ZHX3: variants seen among roughly 807,000 people sequenced by gnomAD.
The protein encoded by ZHX3 is zinc fingers and homeoboxes protein 3.
A neutral mutation model predicts 64.5 loss-of-function variants in ZHX3; 20 were observed. The ratio of observed to expected loss-of-function variants is 0.31; its 90% CI spans 0.22 to 0.45. The LOEUF (loss-of-function observed/expected upper bound fraction) is 0.45. Among genes scored for constraint, ZHX3 ranks in the 20% least tolerant of loss-of-function variants. The pLI, the probability that ZHX3 is intolerant of heterozygous loss-of-function variation, is 1.00. For missense variants in ZHX3, 1,041 were observed against 1,195.8 expected (o/e 0.87, Z 1.91); for synonymous variants, 423 against 461.6 (o/e 0.92, Z 1.07).
At chr20:41,199,639 A>T (rs1713461836) in intron 3 of ZHX3, among the ~76,000 whole-genome samples, 1 of 152,084 alleles carries the variant, frequency 6.6e-6, no homozygotes, top group Non-Finnish European at 1.5e-5. Context: ...GCATTGAGAC[A>T]ATGATCAGCC....
Position 41,201,971 on chromosome 20 carries a change from C to T in ZHX3, c.2860+86G>A. The stretch of plus-strand genomic sequence containing the variant: ...AGGCAGCCTTAGAGACAGCAGATGC[C>T]CCTGTGCAGTAAATTCAGTGCCCAA... On this transcript the variant is annotated intron_variant, in intron 3 of 3. Coordinates refer to ENST00000683867, the MANE Select transcript of ZHX3 (RefSeq NM_001384317.1). The surrounding 1 kb of genome is among the most constrained non-coding windows in gnomAD (Gnocchi z 5.0). 6.9e-7 allele frequency: 1 copy of T among 1,455,150 alleles called. No individual in the cohort carries two copies. The highest frequency in any genetic ancestry group is 9.1e-7 in the Non-Finnish European group (1 of 1,099,368). The allele number at this position is 1,455,150 out of a possible 1,614,324, so 90.1% of individuals were successfully genotyped here.
chr20:41,293,177 C>T (rs1035726040), intron 1 of ZHX3, among the ~76,000 whole-genome samples: 1 of 152,216 alleles, frequency 6.6e-6, no homozygotes, highest in African/African-American at 2.4e-5. Context: ...AAAAGATGAT[C>T]AGGGAGACCC....
intron 1 of ZHX3, among the ~76,000 whole-genome samples, chr20:41,283,351 T>C (rs2043785373): frequency 2.0e-5 from 3 of 152,152 alleles, no homozygotes; most frequent in African/African-American, 7.2e-5. Context: ...TAATGCAGGG[T>C]TTCAGCTCTC....
At chr20:41,282,427 T>C (rs2043732696) in intron 1 of ZHX3, among the ~76,000 whole-genome samples, 2 of 140,494 alleles carry the variant, frequency 1.4e-5, no homozygotes, top group African/African-American at 5.3e-5. Flanking sequence ...GGCGCTATCT[T>C]GGCTCACTGC....
chr20:41,294,249 C>T (rs960692184), intron 1 of ZHX3, among the ~76,000 whole-genome samples: 1 of 152,150 alleles, frequency 6.6e-6, no homozygotes, highest in African/African-American at 2.4e-5. Flanking sequence ...TAGCTGACAA[C>T]AAAATTTTTA....
intron 1 of ZHX3, among the ~76,000 whole-genome samples, chr20:41,285,778 T>G (rs1285642199): frequency 6.6e-6 from 1 of 152,232 alleles, no homozygotes; most frequent in Non-Finnish European, 1.5e-5. Context: ...TAATAACTAG[T>G]GTTATCACAG....
chr20:41,301,851 G>A (rs938134238), intron 1 of ZHX3, among the ~76,000 whole-genome samples: 3 of 151,636 alleles, frequency 2.0e-5, no homozygotes, highest in Non-Finnish European at 2.9e-5. Context: ...TCAGGAGATC[G>A]AGACCATCCC....
intron 1 of ZHX3, among the ~76,000 whole-genome samples, chr20:41,314,778 A>G (rs2045240175): frequency 6.6e-6 from 1 of 152,238 alleles, no homozygotes; most frequent in African/African-American, 2.4e-5. Context: ...AACTCATGAC[A>G]CAGCTACCTA....
At chr20:41,231,914 A>C (rs1434639624) in intron 2 of ZHX3, among the ~76,000 whole-genome samples, 3 of 152,226 alleles carry the variant, frequency 2.0e-5, no homozygotes, top group African/African-American at 7.2e-5. Flanking sequence ...CAGTGAAAAG[A>C]TGGTAAAGCA....
At position 41,201,521 on chromosome 20, in the gene ZHX3, TC is replaced by T; in HGVS notation, c.2860+535del. 2.0e-6 allele frequency: 1 copy of T among 491,952 alleles called. No individual in the cohort carries two copies. Among genetic ancestry groups the T allele is most frequent in the Non-Finnish European group, 3.5e-6 (1 of 289,044 alleles). The allele number at this position is 491,952 out of a possible 1,614,324, so 30.5% of individuals were successfully genotyped here. On this transcript the variant is annotated intron_variant, in intron 3 of 3. Transcript: ENST00000683867. The surrounding 1 kb of genome is among the most constrained non-coding windows in gnomAD (Gnocchi z 5.0). ...GAGGAACAAAATTCAAGCTTTTGAT[TC>T]CATGTATGTCAAAGAAGGAAGGTGA...
Position 41,232,716 on chromosome 20 carries a change from CG to C in ZHX3, c.-150-27651del, listed in dbSNP as rs896513057. ...GCCATTCTCCTGCCTCAGCCTCCCGCGGGGGACTACAGGCGCCCACCACCTC... is the reference window on the plus strand; with the variant it reads ...GCCATTCTCCTGCCTCAGCCTCCCGCGGGGACTACAGGCGCCCACCACCTC... On this transcript the variant is annotated intron_variant, in intron 2 of 3. Coordinates refer to ENST00000683867, the MANE Select transcript of ZHX3 (RefSeq NM_001384317.1). The surrounding 1 kb of genome is among the most constrained non-coding windows in gnomAD (Gnocchi z 5.0). Among the ~76,000 whole-genome samples, 1 of 151,934 alleles carries C rather than the reference CG, an allele frequency of 6.6e-6. No homozygotes were observed. Among genetic ancestry groups the C allele is most frequent in the Admixed American group, 6.6e-5 (1 of 15,246 alleles).
chr20:41,277,281 T>C (rs2043428449), intron 1 of ZHX3, among the ~76,000 whole-genome samples: 1 of 152,202 alleles, frequency 6.6e-6, no homozygotes, highest in Non-Finnish European at 1.5e-5. Flanking sequence ...CTGGACAACA[T>C]AGCAAGACCC....
intron 2 of ZHX3, among the ~76,000 whole-genome samples, chr20:41,264,374 T>C (rs2042720546): frequency 1.1e-5 from 1 of 90,248 alleles, no homozygotes; most frequent in Non-Finnish European, 2.0e-5. Context: ...ACCCCGTCTC[T>C]ACCAAAAATA....
intron 1 of ZHX3, among the ~76,000 whole-genome samples, chr20:41,299,342 T>G (rs1018924352): frequency 1.3e-5 from 2 of 152,224 alleles, no homozygotes; most frequent in Non-Finnish European, 1.5e-5. Flanking sequence ...TGAGTAATTA[T>G]GCTAAGGGTT....
At position 41,202,125 on chromosome 20, in the gene ZHX3, T is replaced by TC; in HGVS notation, c.2791dup (p.Glu931GlyfsTer6). ...TGAGCTGGCCTCAGGGACACGGGGC[T>TC]CCCACGACTCACTGTTCTCAGACAC... On this transcript the variant is annotated frameshift_variant, in exon 3 of 4. Coordinates refer to ENST00000683867, the MANE Select transcript of ZHX3 (RefSeq NM_001384317.1). LOFTEE classifies it high-confidence loss of function. The surrounding 1 kb of genome is among the most constrained non-coding windows in gnomAD (Gnocchi z 7.0). The TC allele has an allele frequency of 6.2e-7, 1 of 1,613,880 alleles. No homozygotes were observed. Among genetic ancestry groups the TC allele is most frequent in the Non-Finnish European group, 8.5e-7 (1 of 1,179,948 alleles).
At chr20:41,296,134 T>G (rs1191381251) in intron 1 of ZHX3, among the ~76,000 whole-genome samples, 1 of 150,076 alleles carries the variant, frequency 6.7e-6, no homozygotes. Flanking sequence ...ATTTCTGGAG[T>G]CTATTTTGCT....
intron 2 of ZHX3, among the ~76,000 whole-genome samples, chr20:41,208,614 A>G (rs1161008120): frequency 6.6e-6 from 1 of 152,228 alleles, no homozygotes; most frequent in African/African-American, 2.4e-5. Context: ...CAATAGATGC[A>G]GAAAAGGCCT....
rs891737491 is a variant in ZHX3 at position 41,183,016 on chromosome 20, C to A, written c.*2175G>T. The A allele has an allele frequency of 6.6e-6, 1 of 152,270 alleles. No individual in the cohort carries two copies. Among genetic ancestry groups the A allele is most frequent in the African/African-American group, 2.4e-5 (1 of 41,442 alleles). The allele number at this position is 152,270 out of a possible 1,614,324, so 9.4% of individuals were successfully genotyped here. ...GAGGCACTGGGTGGTTTCTCAGACA[C>A]CCGGAGATGGCTTCAGCCTGGGCCG... On this transcript the variant is annotated 3_prime_UTR_variant, in exon 4 of 4. Transcript: ENST00000683867. The surrounding 1 kb of genome is among the most constrained non-coding windows in gnomAD (Gnocchi z 5.3).
chr20:41,189,801 A>G (rs1473435831), intron 3 of ZHX3, among the ~76,000 whole-genome samples: 2 of 152,104 alleles, frequency 1.3e-5, no homozygotes, highest in Non-Finnish European at 2.9e-5. Flanking sequence ...TCTCTTTTCC[A>G]ATTTGGATGC....
Sources: allele counts gnomAD v4.1 joint callset (sites outside exome capture counted in the v4.1 genomes callset), GRCh38; gene constraint gnomAD v4.1.1; non-coding constraint Gnocchi (gnomAD v3.1); transcripts MANE v1.5; gene names NCBI Gene and HGNC (gene_info 2026-07-23, HGNC 2026-07-21).